GBE1: variants seen among roughly 807,000 people sequenced by gnomAD.
GBE1 encodes 1,4-alpha-glucan branching enzyme 1.
A neutral mutation model predicts 88.8 loss-of-function variants in GBE1; 70 were observed. The ratio of observed to expected loss-of-function variants is 0.79; its 90% CI spans 0.65 to 0.96. The LOEUF is 0.96. GBE1 is among the 40% of genes least tolerant of loss of function. The pLI is 0.00. For synonymous variants in GBE1, 284 were observed against 300.1 expected (o/e 0.95, Z 0.56); for missense variants, 872 against 871.0 (o/e 1.00, Z -0.01).
At chr3:81,699,315 G>C (rs768847713) in intron 2 of GBE1, among the ~76,000 whole-genome samples, 37 of 152,024 alleles carry the variant, frequency 2.4e-4, no homozygotes, top group Non-Finnish European at 4.6e-4. Context: ...TCACTACCCT[G>C]CCAAAACAAT....
At chr3:81,568,783 T>C (rs879568167) in intron 12 of GBE1, among the ~76,000 whole-genome samples, 2 of 152,170 alleles carry the variant, frequency 1.3e-5, no homozygotes, top group African/African-American at 4.8e-5. Flanking sequence ...CGTGTGTGTG[T>C]GTATATATAT....
intron 1 of GBE1, among the ~76,000 whole-genome samples, chr3:81,738,621 G>T (rs1314099347): frequency 2.6e-5 from 4 of 151,910 alleles, no homozygotes; most frequent in Non-Finnish European, 5.9e-5. Context: ...TAAATCTAAA[G>T]AAAAATTCTA....
At chr3:81,673,602 T>C (rs1705218031) in intron 2 of GBE1, among the ~76,000 whole-genome samples, 1 of 151,886 alleles carries the variant, frequency 6.6e-6, no homozygotes, top group South Asian at 2.1e-4. Flanking sequence ...TTTTGAAAAT[T>C]GATGAACTAG....
chr3:81,751,552 G>A (rs1238634781), intron 1 of GBE1, among the ~76,000 whole-genome samples: 1 of 152,236 alleles, frequency 6.6e-6, no homozygotes, highest in East Asian at 1.9e-4. Flanking sequence ...AAGCTAGCAC[G>A]TGTTCCAGCT....
At chr3:81,740,484 G>A (rs1706330938) in intron 1 of GBE1, among the ~76,000 whole-genome samples, 3 of 151,848 alleles carry the variant, frequency 2.0e-5, no homozygotes, top group Admixed American at 1.3e-4. Flanking sequence ...ATGGTCTCAT[G>A]TTGGAGACCA....
intron 15 of GBE1, among the ~76,000 whole-genome samples, chr3:81,494,375 G>A (rs566418085): frequency 6.6e-6 from 1 of 152,106 alleles, no homozygotes; most frequent in South Asian, 2.1e-4. Context: ...CCTAAGTATT[G>A]GCTCTGTAAT....
At chr3:81,510,298 T>C (rs1397532120) in intron 14 of GBE1, among the ~76,000 whole-genome samples, 2 of 152,136 alleles carry the variant, frequency 1.3e-5, no homozygotes, top group Admixed American at 6.6e-5. Context: ...TTATTTTAGC[T>C]GTGGTGGTAG....
rs557984921 is a variant in GBE1, at chr3:81,608,785, C to T, written c.993-14762G>A. On this transcript the variant is annotated intron_variant, in intron 7 of 15. Transcript: ENST00000429644. ...TCCATATAATCATATTTAATTTTCT[C>T]ACTACACTTTTGGTAGGGTAGAGGG... 3.3e-5 allele frequency among the ~76,000 whole-genome samples: 5 copies of T among 152,274 alleles called. No homozygotes were observed. In the South Asian group the frequency reaches 8.3e-4, roughly 25 times the overall value.
chr3:81,556,347 A>AT (rs1460391649), intron 12 of GBE1, among the ~76,000 whole-genome samples: 4 of 152,106 alleles, frequency 2.6e-5, no homozygotes, highest in Non-Finnish European at 4.4e-5. Flanking sequence ...AGAGAATTTA[A>AT]TTACCCTAAA....
chr3:81,490,382 C>T lies in GBE1; in HGVS notation c.*25G>A, dbSNP rs777191830. 6.3e-7 allele frequency: 1 copy of T among 1,593,894 alleles called. No homozygotes were observed. The highest frequency in any genetic ancestry group is 8.6e-7 in the Non-Finnish European group (1 of 1,161,876). On this transcript the variant is annotated 3_prime_UTR_variant, in exon 16 of 16. Transcript: ENST00000429644. ...AAGAAAACAAAACACAAATCTGCAT[C>T]TGGTGGAGCTGAAATCAGGCCTCTT...
At chr3:81,590,995 T>C (rs1703870013) in intron 9 of GBE1, 42 bp downstream of exon 9, 4 of 1,555,368 alleles carry the variant, frequency 2.6e-6, no homozygotes, top group Non-Finnish European at 2.6e-6. Context: ...AAATACTCTC[T>C]ATTAAAGGGG....
At chr3:81,754,384 C>G (rs1041544450) in intron 1 of GBE1, among the ~76,000 whole-genome samples, 2 of 151,752 alleles carry the variant, frequency 1.3e-5, no homozygotes, top group African/African-American at 4.8e-5. Context: ...ACAATACTAG[C>G]CAAGCAATTA....
intron 7 of GBE1, chr3:81,613,135 A>G: frequency 2.9e-6 from 1 of 343,016 alleles, no homozygotes; most frequent in Non-Finnish European, 5.2e-6. Flanking sequence ...AGTCCTTGGG[A>G]GCAAGCTGCA....
rs192109210 is a variant in GBE1 at position 81,661,318 on chromosome 3, T to C, written c.429+9520A>G. Among the ~76,000 whole-genome samples, 7 of 152,284 alleles carry C rather than the reference T, an allele frequency of 4.6e-5. 1 individual carries two copies. The East Asian group carries it at 1.3e-3, about 29-fold the overall frequency. On this transcript the variant is annotated intron_variant, in intron 3 of 15. Transcript: ENST00000429644. ...TTTAAAATATCTATGGAATCAATGT[T>C]TACATTAAGGGATCAATCAGGAAAC...
intron 2 of GBE1, among the ~76,000 whole-genome samples, chr3:81,673,710 C>T (rs1299117865): frequency 1.3e-5 from 2 of 151,794 alleles, no homozygotes; most frequent in Non-Finnish European, 3.0e-5. Flanking sequence ...TCGCATTTTT[C>T]TTTTATAATA....
chr3:81,548,585 G>A (rs938987288), intron 12 of GBE1, among the ~76,000 whole-genome samples: 1 of 151,334 alleles, frequency 6.6e-6, no homozygotes, highest in African/African-American at 2.4e-5. Context: ...TGTCAATCGT[G>A]TTTTTAACTG....
At chr3:81,627,637 T>G (rs988403139) in intron 7 of GBE1, among the ~76,000 whole-genome samples, 88 of 152,092 alleles carry the variant, frequency 5.8e-4, no homozygotes, top group African/African-American at 2.1e-3. Flanking sequence ...ATACATCAAT[T>G]CGAGCTCAAC....
intron 15 of GBE1, among the ~76,000 whole-genome samples, chr3:81,492,701 T>TTTCTCCCG (rs758665181): frequency 0.037 from 5,302 of 144,652 alleles, 360 homozygotes; most frequent in East Asian, 0.33. Flanking sequence ...CCTTTCTCCC[T>TTTCTCCCG]TTCTTCCTTT....
chr3:81,761,629 C>A lies in GBE1; in HGVS notation c.-112G>T. On this transcript the variant is annotated 5_prime_UTR_variant, in exon 1 of 16. Coordinates refer to ENST00000429644, the MANE Select transcript of GBE1 (RefSeq NM_000158.4). ...AGGGCGGAGCCGGAGGGCGCCTAGGCGTGTCGAGGCAAGCCGAGGCGAGCC... is the reference window on the plus strand; with the variant it reads ...AGGGCGGAGCCGGAGGGCGCCTAGGAGTGTCGAGGCAAGCCGAGGCGAGCC... 3.7e-6 allele frequency: 5 copies of A among 1,362,128 alleles called. No individual in the cohort carries two copies. Among genetic ancestry groups the A allele is most frequent in the Non-Finnish European group, 4.9e-6 (5 of 1,017,742 alleles). 84.4% of individuals were successfully genotyped at this position (1,362,128 alleles called of 1,614,324 possible).
Sources: gnomAD v4.1 joint callset for allele counts (sites outside exome capture counted in the v4.1 genomes callset) on GRCh38, gnomAD v4.1.1 for gene constraint, MANE v1.5 for transcripts, NCBI Gene and HGNC (gene_info 2026-07-23, HGNC 2026-07-21) for gene names.